Variants in CDC6 observed in about 807,000 individuals in gnomAD.
CDC6 encodes the protein cell division cycle 6, also known as DNA replication factor CDC6.
A neutral mutation model predicts 60.2 loss-of-function variants in CDC6; 46 were observed. That is an observed-to-expected ratio of 0.76 (90% CI 0.60 to 0.98). CDC6 has a LOEUF of 0.98. Ranked by LOEUF, CDC6 falls within the 50% of genes least tolerant of loss-of-function variation. The probability of loss-of-function intolerance (pLI) is 0.00; values close to 1 mark genes in which losing one functional copy is unlikely to be tolerated. For synonymous variants in CDC6, 210 were observed against 233.2 expected (o/e 0.90, Z 0.90); for missense variants, 596 against 652.9 (o/e 0.91, Z 0.95).
At position 40,295,403 on chromosome 17, in the gene CDC6, C is replaced by T. The variant is rs752703353; in HGVS notation, c.1131C>T (p.Ala377=). 1.9e-6 allele frequency: 3 copies of T among 1,613,816 alleles called. No homozygotes were observed. Among genetic ancestry groups the T allele is most frequent in the South Asian group, 2.2e-5 (2 of 91,068 alleles). Residue 377 remains alanine, a synonymous_variant, in exon 8 of 12, where the codon GCC becomes GCT. Transcript: ENST00000209728. ...VLDNAAVQFC[A]RKVSAVSGDV... Reference sequence around the variant, plus strand: ...ACAATGCTGCAGTTCAATTCTGTGCCCGCAAAGTCTCTGCTGTTTCAGGAG... The same window carrying T: ...ACAATGCTGCAGTTCAATTCTGTGCTCGCAAAGTCTCTGCTGTTTCAGGAG...
At chr17:40,292,758 T>A (rs1367576477) in intron 4 of CDC6, among the ~76,000 whole-genome samples, 1 of 149,834 alleles carries the variant, frequency 6.7e-6, no homozygotes, top group East Asian at 2.0e-4. Context: ...TGAAACCCCG[T>A]CTCTACTAAA....
intron 9 of CDC6, 117 bp downstream of exon 9, chr17:40,296,884 G>T: frequency 1.3e-6 from 1 of 791,024 alleles, no homozygotes; most frequent in South Asian, 1.4e-5. Flanking sequence ...ATTTTTATGT[G>T]TGTCTGTGTT....
chr17:40,295,312 G>T, intron 7 of CDC6, 44 bp from the exon 8 acceptor site: 1 of 1,255,694 alleles, frequency 8.0e-7, no homozygotes, highest in Non-Finnish European at 1.2e-6. Context: ...TACAGAGGGA[G>T]AATCTTATGG....
intron 9 of CDC6, among the ~76,000 whole-genome samples, chr17:40,299,546 T>C (rs1316203401): frequency 6.6e-6 from 1 of 152,182 alleles, no homozygotes; most frequent in Non-Finnish European, 1.5e-5. Context: ...AGTAGTTTGC[T>C]AAGGATATAG....
rs750505752 is a variant in CDC6, at chr17:40,301,583, GAAAC to G, written c.1571_1574del (p.Asn524ArgfsTer5). 1.2e-6 allele frequency: 2 copies of G among 1,614,182 alleles called. No individual in the cohort carries two copies. The highest frequency in any genetic ancestry group is 1.7e-6 in the Non-Finnish European group (2 of 1,180,008). On this transcript the variant is annotated frameshift_variant, in exon 11 of 12. Coordinates refer to ENST00000209728, the MANE Select transcript of CDC6 (RefSeq NM_001254.4). LOFTEE classifies it high-confidence loss of function. ...GCCAGGGGCATTTTAGGATTAAAGAGAAACAAGGAAACCCGTTTGACAAAGGTAC... is the reference window on the plus strand; with the variant it reads ...GCCAGGGGCATTTTAGGATTAAAGAGAAGGAAACCCGTTTGACAAAGGTAC...
At chr17:40,299,688 A>G (rs1361140759) in intron 9 of CDC6, among the ~76,000 whole-genome samples, 2 of 151,844 alleles carry the variant, frequency 1.3e-5, no homozygotes, top group Non-Finnish European at 2.9e-5. Flanking sequence ...GCTTTGAGCT[A>G]AGGAGTTCAA....
At chr17:40,293,736 C>A in intron 5 of CDC6, 105 bp downstream of exon 5, 1 of 1,029,994 alleles carries the variant, frequency 9.7e-7, no homozygotes, top group Non-Finnish European at 1.5e-6. Flanking sequence ...GTTACATAAA[C>A]TTAAAGGGAA....
chr17:40,290,391 G>A (rs1239228635), intron 2 of CDC6, among the ~76,000 whole-genome samples: 1 of 152,138 alleles, frequency 6.6e-6, no homozygotes, highest in East Asian at 1.9e-4. Context: ...TGGCATAGTG[G>A]GTAGAGGCCA....
Position 40,294,124 on chromosome 17 carries a change from AT to A in CDC6, c.943+71del, listed in dbSNP as rs1567734907. 4.0e-6 allele frequency: 5 copies of A among 1,250,044 alleles called. No individual in the cohort carries two copies. The African/African-American group carries it at 7.4e-5, about 18-fold the overall frequency. 77.4% of individuals were successfully genotyped at this position (1,250,044 alleles called of 1,614,324 possible). A position where few individuals can be genotyped will look rare whatever the true frequency, so the allele number is the denominator to read the frequency against. On this transcript the variant is annotated intron_variant, in intron 6 of 11. Coordinates refer to ENST00000209728, the MANE Select transcript of CDC6 (RefSeq NM_001254.4). Reference sequence around the variant, plus strand: ...TTTTTTAAGAATATATATTCAGCTTATTTATCAGCTATTTTATCTTAAACCA... The same window carrying A: ...TTTTTTAAGAATATATATTCAGCTTATTATCAGCTATTTTATCTTAAACCA...
chr17:40,298,507 C>T (rs992007232), intron 9 of CDC6, among the ~76,000 whole-genome samples: 1 of 151,852 alleles, frequency 6.6e-6, no homozygotes, highest in African/African-American at 2.4e-5. Context: ...GCTGCAACCT[C>T]CCAGGCCCAA....
chr17:40,298,480 G>A (rs560836976), intron 9 of CDC6, among the ~76,000 whole-genome samples: 3 of 151,294 alleles, frequency 2.0e-5, no homozygotes, highest in East Asian at 1.9e-4. Context: ...TGGCTGGTGC[G>A]ATCATGGCTC....
chr17:40,294,628 AC>A, intron 7 of CDC6, 125 bp downstream of exon 7: 1 of 822,084 alleles, frequency 1.2e-6, no homozygotes, highest in Non-Finnish European at 2.1e-6. Context: ...GTTCCTATGG[AC>A]CATAGTGAGA....
chr17:40,288,406 A>T (rs1341556425), intron 1 of CDC6, among the ~76,000 whole-genome samples: 2 of 151,902 alleles, frequency 1.3e-5, no homozygotes, highest in African/African-American at 4.8e-5. Context: ...GTTCTATATA[A>T]ATCAATTCAT....
In CDC6 at chr17:40,293,483, A is replaced by C. The variant is rs751753034; in HGVS notation, c.688A>C (p.Met230Leu). The C allele has an allele frequency of 1.2e-6, 2 of 1,614,098 alleles. No homozygotes were observed. The highest frequency in any genetic ancestry group is 2.2e-5 in the East Asian group (1 of 44,880). Residue 230 changes from methionine to leucine, a missense_variant, in exon 5 of 12, where the codon ATG becomes CTG. Met to Leu is a conservative substitution (Grantham distance 15). Coordinates refer to ENST00000209728, the MANE Select transcript of CDC6 (RefSeq NM_001254.4). ...GGAACTGAAAGGCTTTAAAACTATC[A>C]TGCTGAATTGCATGTCCTTGAGGAC... ...KKELKGFKTI[M>L]LNCMSLRTAQ...
chr17:40,295,732 T>C (rs1335034785), intron 8 of CDC6, among the ~76,000 whole-genome samples: 2 of 152,170 alleles, frequency 1.3e-5, no homozygotes. Flanking sequence ...ACATTTGTAT[T>C]AAAAAAGACT....
At chr17:40,293,183 G>T (rs2032794753) in intron 4 of CDC6, among the ~76,000 whole-genome samples, 2 of 152,114 alleles carry the variant, frequency 1.3e-5, no homozygotes, top group Non-Finnish European at 2.9e-5. Context: ...AGGTTGCAAT[G>T]AGTTGAGATT....
At chr17:40,296,572 T>C (rs2032862966) in intron 8 of CDC6, 131 bp from the exon 9 acceptor site, 18 of 677,630 alleles carry the variant, frequency 2.7e-5, no homozygotes, top group Non-Finnish European at 3.8e-5. Flanking sequence ...CTAAACCATG[T>C]TAGCCTACAT....
In CDC6 at chr17:40,289,508, A is replaced by T; in HGVS notation, c.88A>T (p.Ser30Cys). 1 of 1,614,050 alleles carries T rather than the reference A, an allele frequency of 6.2e-7. No individual in the cohort carries two copies. Among genetic ancestry groups the T allele is most frequent in the Non-Finnish European group, 8.5e-7 (1 of 1,179,956 alleles). Residue 30 changes from serine (S) to cysteine (C), a missense_variant, in exon 2 of 12, where the codon AGT becomes TGT. Ser to Cys is a moderately radical substitution (Grantham distance 112). Coordinates refer to ENST00000209728, the MANE Select transcript of CDC6 (RefSeq NM_001254.4). ...GGCATTGAACAAAGCTAAAAACTCC[A>T]GTGATGCCAAACTAGAACCAACAAA... is the stretch of plus-strand genomic sequence containing the variant. ...SRALNKAKNS[S>C]DAKLEPTNVQ...
chr17:40,294,409 T>A lies in CDC6; in HGVS notation c.989T>A (p.Leu330His). The A allele has an allele frequency of 6.2e-7, 1 of 1,609,162 alleles. No individual in the cohort carries two copies. ...CTCACAGATAGAATTCTACCTAGGC[T>A]TCAAGCTAGAGAAAAATGTAAGCCA... ...LDLTDRILPR[L>H]QAREKCKPQL... Residue 330 changes from leucine (L) to histidine (H), a missense_variant, in exon 7 of 12, where the codon CTT becomes CAT. Coordinates refer to ENST00000209728, the MANE Select transcript of CDC6 (RefSeq NM_001254.4).
Sources: allele counts gnomAD v4.1 joint callset (sites outside exome capture counted in the v4.1 genomes callset), GRCh38; gene constraint gnomAD v4.1.1; transcripts MANE v1.5; gene names NCBI Gene and HGNC (gene_info 2026-07-23, HGNC 2026-07-21).